The following LVRN variants were observed in gnomAD, a reference collection of about 807,000 sequenced individuals.
The protein encoded by LVRN is aminopeptidase Q.
LVRN carries 99 observed loss-of-function variants against 111.4 expected under a neutral mutation model. The observed-to-expected ratio is 0.89, with a 90% CI of 0.76 to 1.05. The LOEUF (loss-of-function observed/expected upper bound fraction) is 1.05, where lower values mean the gene tolerates loss of function less well. LVRN is among the 50% of genes least tolerant of loss of function. LVRN has a pLI of 0.00. For synonymous variants in LVRN, 488 were observed against 449.5 expected (o/e 1.09, Z -1.08); for missense variants, 1,414 against 1,206.8 (o/e 1.17, Z -2.54).
Position 116,025,998 on chromosome 5 carries a change from C to T in LVRN, c.2853C>T (p.Asn951=). Residue 951 remains asparagine, a synonymous_variant, in exon 20 of 20, where the codon AAC becomes AAT. Coordinates refer to ENST00000357872, the MANE Select transcript of LVRN (RefSeq NM_173800.5). ...QIVELQQFFS[N]MLEEHQRIRV... ...TCCAGCTGCAGCAGTTTTTCAGTAA[C>T]ATGTTGGAGGAACACCAGAGGATCA... The T allele has an allele frequency of 6.2e-7, 1 of 1,613,844 alleles. No individual in the cohort carries two copies. The highest frequency in any genetic ancestry group is 8.5e-7 in the Non-Finnish European group (1 of 1,179,838).
Position 116,002,826 on chromosome 5 carries a change from T to C in LVRN, c.1821-9T>C, listed in dbSNP as rs549764936. 40 of 1,584,938 alleles carry C rather than the reference T, an allele frequency of 2.5e-5. No individual in the cohort carries two copies. The South Asian group carries it at 4.1e-4, about 16-fold the overall frequency. On this transcript the variant is annotated splice_polypyrimidine_tract_variant and intron_variant, in intron 10 of 19. Coordinates refer to ENST00000357872, the MANE Select transcript of LVRN (RefSeq NM_173800.5). ...AAAGTAACTAATTTTTTTATTTTCT[T>C]CCAATAAGTGACACATGGATTGTCC... is the stretch of plus-strand genomic sequence containing the variant.
Position 116,026,906 on chromosome 5 carries a change from C to A in LVRN, c.*788C>A, listed in dbSNP as rs1017270723. Reference sequence around the variant, plus strand: ...GGGATGGACACCCTTTCAGCCTAAGCGTACGAGTGAAAACAATGATGTCAA... The same window carrying A: ...GGGATGGACACCCTTTCAGCCTAAGAGTACGAGTGAAAACAATGATGTCAA... On this transcript the variant is annotated 3_prime_UTR_variant, in exon 20 of 20. Coordinates refer to ENST00000357872, the MANE Select transcript of LVRN (RefSeq NM_173800.5). The A allele has an allele frequency of 6.6e-6, 1 of 152,126 alleles. No individual in the cohort carries two copies. The highest frequency in any genetic ancestry group is 2.1e-4 in the South Asian group (1 of 4,822). The allele number at this position is 152,126 out of a possible 1,614,324, so 9.4% of individuals were successfully genotyped here.
intron 14 of LVRN, among the ~76,000 whole-genome samples, chr5:116,011,411 A>G (rs1040276666): frequency 3.3e-5 from 5 of 152,146 alleles, no homozygotes; most frequent in African/African-American, 1.2e-4. Flanking sequence ...GAATTACTGA[A>G]CAGAGAAATG....
At position 115,993,814 on chromosome 5, in the gene LVRN, A is replaced by C. The variant is rs1748047960; in HGVS notation, c.1334A>C (p.Glu445Ala). Reference sequence around the variant, plus strand: ...AACGAGGGTTTTGCATCTTATTTTGAGTTTGAAGTAATTAACTACTTTAAT... The same window carrying C: ...AACGAGGGTTTTGCATCTTATTTTGCGTTTGAAGTAATTAACTACTTTAAT... The part of the protein sequence containing the change: ...WLNEGFASYF[E>A]FEVINYFNPK... The change falls in exon 6 of 20, where the codon GAG becomes GCG. Residue 445 changes from glutamate to alanine, a missense_variant. Glu to Ala is a moderately radical substitution (Grantham distance 107). Coordinates refer to ENST00000357872, the MANE Select transcript of LVRN (RefSeq NM_173800.5). 1.2e-6 allele frequency: 2 copies of C among 1,609,442 alleles called. No homozygotes were observed. The highest frequency in any genetic ancestry group is 1.7e-6 in the Non-Finnish European group (2 of 1,178,140).
chr5:115,997,540 T>C (rs1748141915), intron 6 of LVRN, among the ~76,000 whole-genome samples: 1 of 151,844 alleles, frequency 6.6e-6, no homozygotes, highest in Non-Finnish European at 1.5e-5. Flanking sequence ...GCTGCACCCT[T>C]GTAGTCCTAG....
At chr5:116,007,736 T>C (rs1748406482) in intron 13 of LVRN, among the ~76,000 whole-genome samples, 1 of 152,214 alleles carries the variant, frequency 6.6e-6, no homozygotes, top group Non-Finnish European at 1.5e-5. Flanking sequence ...AATTGAAGAT[T>C]TGTGATAACT....
chr5:115,970,108 A>G (rs1478492011), intron 1 of LVRN, among the ~76,000 whole-genome samples: 9 of 152,152 alleles, frequency 5.9e-5, no homozygotes, highest in African/African-American at 2.2e-4. Flanking sequence ...TTTAAAGTAC[A>G]AAACTTGATA....
chr5:116,005,846 A>G, intron 12 of LVRN, 66 bp from the exon 13 acceptor site: 1 of 1,356,468 alleles, frequency 7.4e-7, no homozygotes, highest in Admixed American at 1.7e-5. Flanking sequence ...AATTGTTGTT[A>G]TTTTGAAAAC....
At chr5:116,011,159 G>A (rs1748481937) in intron 14 of LVRN, among the ~76,000 whole-genome samples, 2 of 150,652 alleles carry the variant, frequency 1.3e-5, no homozygotes, top group Non-Finnish European at 3.0e-5. Context: ...TATGTCCTAA[G>A]AAACCAGAAG....
At chr5:116,003,803 A>C (rs565010163) in intron 12 of LVRN, among the ~76,000 whole-genome samples, 102 of 152,064 alleles carry the variant, frequency 6.7e-4, no homozygotes, top group African/African-American at 2.3e-3. Flanking sequence ...GGATGATCTC[A>C]ATCTCCTGAC....
At chr5:115,997,059 G>A (rs954443330) in intron 6 of LVRN, among the ~76,000 whole-genome samples, 4 of 152,140 alleles carry the variant, frequency 2.6e-5, no homozygotes, top group Non-Finnish European at 5.9e-5. Context: ...TAAAAATAAT[G>A]ATAAGTAATC....
Position 115,984,580 on chromosome 5 carries a change from A to G in LVRN, c.849A>G (p.Glu283=). 1 of 1,613,444 alleles carries G rather than the reference A, an allele frequency of 6.2e-7. No individual in the cohort carries two copies. Among genetic ancestry groups the G allele is most frequent in the Non-Finnish European group, 8.5e-7 (1 of 1,179,632 alleles). The change falls in exon 3 of 20, where the codon GAA becomes GAG. Residue 283 remains glutamate, a synonymous_variant. Transcript: ENST00000357872. ...AATAAAATTCTCTAGGTCAGTCTGA[A>G]AAAGAAGATGTGAATGGAAGCAAAT... is the stretch of plus-strand genomic sequence containing the variant. The part of the protein sequence containing the change: ...LSNMPKLGQS[E]KEDVNGSKWT...
At chr5:116,024,912 A>C (rs1748831091) in intron 19 of LVRN, among the ~76,000 whole-genome samples, 1 of 152,222 alleles carries the variant, frequency 6.6e-6, no homozygotes, top group African/African-American at 2.4e-5. Context: ...AAGAAAGTGA[A>C]AATGAAGTCA....
intron 1 of LVRN, among the ~76,000 whole-genome samples, chr5:115,978,026 C>G (rs1251594319): frequency 6.6e-6 from 1 of 152,162 alleles, no homozygotes; most frequent in Non-Finnish European, 1.5e-5. Flanking sequence ...AAGGTGAAAG[C>G]AGCATGATTA....
intron 4 of LVRN, among the ~76,000 whole-genome samples, chr5:115,988,690 C>T (rs1434026278): frequency 6.6e-6 from 1 of 152,012 alleles, no homozygotes; most frequent in African/African-American, 2.4e-5. Context: ...CTTCTGAACC[C>T]CAGGAAGCCA....
chr5:116,024,075 C>G (rs888162669), intron 19 of LVRN, among the ~76,000 whole-genome samples: 2 of 152,112 alleles, frequency 1.3e-5, no homozygotes, highest in Admixed American at 6.6e-5. Context: ...AAGGGCAGAT[C>G]AGTGGTTTCC....
intron 1 of LVRN, among the ~76,000 whole-genome samples, chr5:115,967,675 A>T (rs1056111971): frequency 6.6e-6 from 1 of 152,182 alleles, no homozygotes; most frequent in African/African-American, 2.4e-5. Flanking sequence ...TTAAACCTTT[A>T]TGTAAATTTA....
chr5:116,021,269 T>C (rs1034886827), intron 18 of LVRN: 1 of 152,364 alleles, frequency 6.6e-6, no homozygotes, highest in Non-Finnish European at 1.5e-5. Context: ...AATTCACACA[T>C]TTAGCACCAT....
chr5:116,005,958 C>G lies in LVRN; in HGVS notation c.2084C>G (p.Ser695Cys). ...CTGCAGTTGATTGATGATGCCTTTT[C>G]CTTGTCTAAGTGAGTATATTTTCTT... ...HRLQLIDDAF[S>C]LSKNNYIEIE... Residue 695 changes from serine (S) to cysteine (C), a missense_variant, in exon 13 of 20, where the codon TCC becomes TGC. Coordinates refer to ENST00000357872, the MANE Select transcript of LVRN (RefSeq NM_173800.5). 6.3e-7 allele frequency: 1 copy of G among 1,592,348 alleles called. No individual in the cohort carries two copies. Among genetic ancestry groups the G allele is most frequent in the Non-Finnish European group, 8.6e-7 (1 of 1,160,456 alleles).
Sources: gnomAD v4.1 joint callset for allele counts (sites outside exome capture counted in the v4.1 genomes callset) on GRCh38, gnomAD v4.1.1 for gene constraint, MANE v1.5 for transcripts, NCBI Gene and HGNC (gene_info 2026-07-23, HGNC 2026-07-21) for gene names.